Variants in DCC observed in about 807,000 individuals in gnomAD.
The protein encoded by DCC is netrin receptor DCC.
Under a neutral mutation model 172.5 loss-of-function variants are expected in DCC, and 58 were observed. The observed-to-expected ratio is 0.34, with a 90% CI of 0.27 to 0.42. The LOEUF is 0.42. Among genes scored for constraint, DCC ranks in the 10% least tolerant of loss-of-function variants. The pLI, the probability that DCC is intolerant of heterozygous loss-of-function variation, is 1.00. For synonymous variants in DCC, 709 were observed against 644.5 expected (o/e 1.10, Z -1.52); for missense variants, 1,740 against 1,791.0 (o/e 0.97, Z 0.51).
chr18:53,255,762 G>C (rs1392471125), intron 12 of DCC, among the ~76,000 whole-genome samples: 1 of 152,098 alleles, frequency 6.6e-6, no homozygotes, highest in African/African-American at 2.4e-5. Context: ...GGTATTTCTA[G>C]TTCTAGATCC....
intron 15 of DCC, among the ~76,000 whole-genome samples, chr18:53,343,304 C>A (rs1468337414): frequency 6.6e-6 from 1 of 151,940 alleles, no homozygotes; most frequent in Non-Finnish European, 1.5e-5. Flanking sequence ...CCTCTGGTCT[C>A]TTTAAGCCTT....
intron 16 of DCC, among the ~76,000 whole-genome samples, chr18:53,389,532 T>C (rs1908407731): frequency 1.3e-5 from 2 of 152,208 alleles, no homozygotes; most frequent in Admixed American, 6.5e-5. Flanking sequence ...TTCTAATTTA[T>C]TTAAACTTAA....
At chr18:53,469,528 G>A (rs998248675) in intron 25 of DCC, among the ~76,000 whole-genome samples, 2 of 152,132 alleles carry the variant, frequency 1.3e-5, no homozygotes, top group African/African-American at 4.8e-5. Flanking sequence ...CATTCAGAAA[G>A]TGGTATCCTT....
Position 52,417,681 on chromosome 18 carries a change from G to C in DCC, c.91+76803G>C, listed in dbSNP as rs972571357. On this transcript the variant is annotated intron_variant, in intron 1 of 28. Coordinates refer to ENST00000442544, the MANE Select transcript of DCC (RefSeq NM_005215.4). ...GATTGCATCGGCTCCTGAGGCTTCTGCATTCTTCAGGTAGTTCTCGAGCCT... is the reference window on the plus strand; with the variant it reads ...GATTGCATCGGCTCCTGAGGCTTCTCCATTCTTCAGGTAGTTCTCGAGCCT... Among the ~76,000 whole-genome samples the C allele has an allele frequency of 1.1e-4, 17 of 152,124 alleles. 1 individual carries two copies. The highest frequency in any genetic ancestry group is 1.1e-3 in the Admixed American group (17 of 15,266).
At chr18:53,156,336 T>C (rs866390405) in intron 7 of DCC, among the ~76,000 whole-genome samples, 35 of 151,908 alleles carry the variant, frequency 2.3e-4, no homozygotes, top group Admixed American at 6.6e-4. Flanking sequence ...ATACAAAAAT[T>C]AGCCAGGCGT....
Position 53,284,342 on chromosome 18 carries a change from G to C in DCC, c.1912-21236G>C, listed in dbSNP as rs142642123. ...TGTAACTCCCACAATCCCACATGTT[G>C]TGGGAGGAACCTGGTGGGAGGTGAA... On this transcript the variant is annotated intron_variant, in intron 12 of 28. Coordinates refer to ENST00000442544, the MANE Select transcript of DCC (RefSeq NM_005215.4). Among the ~76,000 whole-genome samples, 8 of 152,248 alleles carry C rather than the reference G, an allele frequency of 5.3e-5. No homozygotes were observed. The East Asian group carries it at 1.4e-3, about 26-fold the overall frequency.
intron 7 of DCC, among the ~76,000 whole-genome samples, chr18:53,121,390 C>T (rs989388248): frequency 6.6e-6 from 1 of 151,828 alleles, no homozygotes; most frequent in Non-Finnish European, 1.5e-5. Flanking sequence ...AAGTGATTGG[C>T]CACTGCTTGT....
intron 15 of DCC, among the ~76,000 whole-genome samples, chr18:53,371,494 G>C (rs1344450266): frequency 2.0e-5 from 3 of 151,964 alleles, no homozygotes; most frequent in Non-Finnish European, 4.4e-5. Context: ...AGGCATGGAA[G>C]TGGTAAAGAA....
chr18:53,090,141 C>T (rs1342575920), intron 7 of DCC, among the ~76,000 whole-genome samples: 3 of 152,190 alleles, frequency 2.0e-5, no homozygotes, highest in East Asian at 1.9e-4. Context: ...TTATCCCTAA[C>T]TTACTTGCAT....
intron 7 of DCC, among the ~76,000 whole-genome samples, chr18:53,079,969 G>A (rs796521536): frequency 7.9e-5 from 12 of 152,192 alleles, no homozygotes; most frequent in African/African-American, 2.6e-4. Context: ...AGACTATGTG[G>A]GATAGGGATG....
chr18:52,592,992 T>C (rs926204301), intron 1 of DCC, among the ~76,000 whole-genome samples: 1 of 152,160 alleles, frequency 6.6e-6, no homozygotes, highest in African/African-American at 2.4e-5. Context: ...CTCGATTTAC[T>C]CATGGTGCAG....
intron 2 of DCC, among the ~76,000 whole-genome samples, chr18:52,799,639 G>A (rs1207256186): frequency 6.6e-6 from 1 of 152,028 alleles, no homozygotes; most frequent in Non-Finnish European, 1.5e-5. Context: ...AGCCCATCTG[G>A]CACCCATGAA....
chr18:53,003,498 C>T (rs1298575547), intron 5 of DCC, among the ~76,000 whole-genome samples: 2 of 152,030 alleles, frequency 1.3e-5, no homozygotes, highest in African/African-American at 4.8e-5. Context: ...TGTAATTTCT[C>T]AGTGGTGTTC....
At chr18:53,070,268 G>T (rs2042634769) in intron 7 of DCC, among the ~76,000 whole-genome samples, 1 of 152,088 alleles carries the variant, frequency 6.6e-6, no homozygotes, top group African/African-American at 2.4e-5. Context: ...ACAAAGTGCT[G>T]GGATTACAGG....
In DCC at chr18:52,634,022, T is replaced by C. The variant is rs141187949; in HGVS notation, c.92-118032T>C. ...AGCACTCCTTTGCCAGACATGACAT[T>C]CAGGGAGATGCAATAGGAGTATATG... On this transcript the variant is annotated intron_variant, in intron 1 of 28. Coordinates refer to ENST00000442544, the MANE Select transcript of DCC (RefSeq NM_005215.4). Among the ~76,000 whole-genome samples, 5 of 152,332 alleles carry C rather than the reference T, an allele frequency of 3.3e-5. No individual in the cohort carries two copies. In the East Asian group the frequency reaches 7.7e-4, roughly 23 times the overall value.
chr18:53,519,232 T>G (rs1458184175), intron 27 of DCC, among the ~76,000 whole-genome samples: 1 of 152,142 alleles, frequency 6.6e-6, no homozygotes, highest in African/African-American at 2.4e-5. Context: ...GAAATTAGAC[T>G]ATCGAGCCAA....
chr18:53,279,480 C>T (rs2056842842), intron 12 of DCC, among the ~76,000 whole-genome samples: 1 of 123,018 alleles, frequency 8.1e-6, no homozygotes, highest in East Asian at 2.4e-4. Context: ...GGGAACATCA[C>T]ACACTGTGGC....
At chr18:53,529,042 A>T (rs1002957908) in intron 28 of DCC, among the ~76,000 whole-genome samples, 5,138 of 49,268 alleles carry the variant, frequency 0.1, 91 homozygotes, top group Middle Eastern at 0.15. Flanking sequence ...TCTCTCTCAC[A>T]CACACACACA....
intron 2 of DCC, among the ~76,000 whole-genome samples, chr18:52,798,865 G>A (rs2037928129): frequency 6.6e-6 from 1 of 151,816 alleles, no homozygotes; most frequent in South Asian, 2.1e-4. Context: ...TAATTCTCCT[G>A]CCTCAGCCTC....
Sources: gnomAD v4.1 joint callset for allele counts (sites outside exome capture counted in the v4.1 genomes callset) on GRCh38, gnomAD v4.1.1 for gene constraint, MANE v1.5 for transcripts, NCBI Gene and HGNC (gene_info 2026-07-23, HGNC 2026-07-21) for gene names.